Variants in ITPR2 observed in about 807,000 individuals in gnomAD.
ITPR2 encodes inositol 1,4,5-trisphosphate receptor type 2.
Under a neutral mutation model 317.1 loss-of-function variants are expected in ITPR2, and 207 were observed. The ratio of observed to expected loss-of-function variants is 0.65; its 90% CI spans 0.58 to 0.73. The LOEUF (loss-of-function observed/expected upper bound fraction) is 0.73, where lower values mean the gene tolerates loss of function less well. Among genes scored for constraint, ITPR2 ranks in the 30% least tolerant of loss-of-function variants. The pLI, the probability that ITPR2 is intolerant of heterozygous loss-of-function variation, is 0.00. For synonymous variants in ITPR2, 1,156 were observed against 1,149.1 expected, an observed-to-expected ratio of 1.01 and a Z score of -0.12; for missense variants, 2,613 against 3,284.0, an observed-to-expected ratio of 0.80 and a Z score of 4.99.
chr12:26,808,150 A>G (rs1179287311), intron 1 of ITPR2, among the ~76,000 whole-genome samples: 2 of 152,228 alleles, frequency 1.3e-5, no homozygotes, highest in Non-Finnish European at 2.9e-5. Context: ...AAAATCTGCC[A>G]GAGAACAAAG....
intron 26 of ITPR2, among the ~76,000 whole-genome samples, chr12:26,607,795 T>C (rs969561381): frequency 6.6e-6 from 1 of 152,100 alleles, no homozygotes; most frequent in African/African-American, 2.4e-5. Context: ...AATAAAATAA[T>C]GGCGGCCGGG....
At chr12:26,477,824 T>A (rs1043052968) in intron 43 of ITPR2, among the ~76,000 whole-genome samples, 2 of 152,102 alleles carry the variant, frequency 1.3e-5, no homozygotes, top group Non-Finnish European at 2.9e-5. Context: ...TTGAAAGATG[T>A]TACTTCATGC....
chr12:26,654,233 T>C, intron 20 of ITPR2, 107 bp from the exon 21 acceptor site: 1 of 842,480 alleles, frequency 1.2e-6, no homozygotes, highest in African/African-American at 1.8e-5. Context: ...AGCACAGCAA[T>C]TTCTAAACTT....
At chr12:26,370,235 G>A (rs1027608470) in intron 55 of ITPR2, among the ~76,000 whole-genome samples, 3 of 152,152 alleles carry the variant, frequency 2.0e-5, no homozygotes, top group African/African-American at 7.2e-5. Context: ...CACCCAAAAA[G>A]CAGTTGGCGT....
chr12:26,586,354 G>A (rs189498473), intron 32 of ITPR2, among the ~76,000 whole-genome samples: 90 of 152,190 alleles, frequency 5.9e-4, no homozygotes, highest in African/African-American at 2.0e-3. Flanking sequence ...CCCAGGCTGG[G>A]TCTCAAGCTT....
In ITPR2 at chr12:26,400,176, G is replaced by C. The variant is rs746000563; in HGVS notation, c.7482C>G (p.Leu2494=). Reference sequence around the variant, plus strand: ...CATCCCCCACACCACCGCCATTCCTGAGGCCCTGGTTCAGCACGGTGACAA... The same window carrying C: ...CATCCCCCACACCACCGCCATTCCTCAGGCCCTGGTTCAGCACGGTGACAA... ...MCIVTVLNQG[L]RNGGGVGDVL... Residue 2494 remains leucine (L), a synonymous_variant, in exon 53 of 57, where the codon CTC becomes CTG. Transcript: ENST00000381340. 6.2e-7 allele frequency: 1 copy of C among 1,611,868 alleles called. No individual in the cohort carries two copies. The highest frequency in any genetic ancestry group is 1.1e-5 in the South Asian group (1 of 90,760).
Position 26,785,367 on chromosome 12 carries a change from C to G in ITPR2, c.163+4790G>C, listed in dbSNP as rs1261559031. Among the ~76,000 whole-genome samples the G allele has an allele frequency of 1.9e-3, 101 of 53,900 alleles. 4 individuals are homozygous for G. The highest frequency in any genetic ancestry group is 4.4e-3 in the African/African-American group (93 of 21,204). 35.4% of individuals were successfully genotyped at this position (53,900 alleles called of 152,430 possible). On this transcript the variant is annotated intron_variant, in intron 2 of 56. Coordinates refer to ENST00000381340, the MANE Select transcript of ITPR2 (RefSeq NM_002223.4). ...GAGGTGAGGGGCGCCTCTGCCCGGC[C>G]GCCCCTACTGGGAAGTGAGGAGCCC...
chr12:26,721,455 A>G (rs928606845), intron 5 of ITPR2: 2 of 427,828 alleles, frequency 4.7e-6, no homozygotes, highest in Admixed American at 8.4e-5. Flanking sequence ...CAAAGTTTCA[A>G]CTGAAAAAAC....
At chr12:26,503,824 T>C (rs1943126946) in intron 37 of ITPR2, among the ~76,000 whole-genome samples, 1 of 152,230 alleles carries the variant, frequency 6.6e-6, no homozygotes, top group Non-Finnish European at 1.5e-5. Context: ...AAAGCATTAA[T>C]AAGTTTCAAT....
intron 26 of ITPR2, among the ~76,000 whole-genome samples, chr12:26,607,083 A>G (rs909626643): frequency 3.3e-5 from 5 of 152,234 alleles, no homozygotes; most frequent in African/African-American, 1.2e-4. Flanking sequence ...AACTTGGTGC[A>G]TGCCTTCTAT....
intron 37 of ITPR2, among the ~76,000 whole-genome samples, chr12:26,546,196 T>C (rs1174938092): frequency 6.6e-6 from 1 of 152,246 alleles, no homozygotes; most frequent in Non-Finnish European, 1.5e-5. Flanking sequence ...AAATGTGTAG[T>C]GATCAAGTCA....
At chr12:26,752,726 C>A (rs1949448290) in intron 2 of ITPR2, among the ~76,000 whole-genome samples, 1 of 152,132 alleles carries the variant, frequency 6.6e-6, no homozygotes, top group African/African-American at 2.4e-5. Context: ...GCCCTGAATT[C>A]TTTCATGCAC....
chr12:26,804,526 A>T (rs1950609988), intron 1 of ITPR2, among the ~76,000 whole-genome samples: 1 of 152,142 alleles, frequency 6.6e-6, no homozygotes, highest in Admixed American at 6.5e-5. Context: ...GGGTAAAATC[A>T]AAAGGAAATA....
intron 11 of ITPR2, among the ~76,000 whole-genome samples, chr12:26,684,704 G>A (rs988075144): frequency 6.6e-6 from 1 of 152,144 alleles, no homozygotes; most frequent in African/African-American, 2.4e-5. Context: ...ATAAAGTGAG[G>A]CTCAGTGGCC....
chr12:26,828,755 A>G (rs1951048721), intron 1 of ITPR2, among the ~76,000 whole-genome samples: 1 of 152,254 alleles, frequency 6.6e-6, no homozygotes, highest in Non-Finnish European at 1.5e-5. Flanking sequence ...TGCAAAATAC[A>G]TCAGTTTAAA....
At chr12:26,832,235 A>C (rs1242922178) in intron 1 of ITPR2, among the ~76,000 whole-genome samples, 1 of 152,188 alleles carries the variant, frequency 6.6e-6, no homozygotes, top group Non-Finnish European at 1.5e-5. Flanking sequence ...CTTGAGTTTC[A>C]TGTCCAAGGC....
intron 55 of ITPR2, among the ~76,000 whole-genome samples, chr12:26,373,383 C>T (rs886928077): frequency 4.6e-5 from 7 of 152,296 alleles, no homozygotes; most frequent in African/African-American, 1.7e-4. Context: ...GCCTTTATAT[C>T]ACAACCTGTT....
chr12:26,336,980 G>GTTTTTTTTTTT lies in ITPR2; in HGVS notation c.*2406_*2416dup, dbSNP rs67842212. ...TTGTCTGCTTCGATTTTTTGTTGCT[G>GTTTTTTTTTTT]TTTTTTTTTTTTTTGCTTTATAATT... On this transcript the variant is annotated 3_prime_UTR_variant, in exon 57 of 57. Coordinates refer to ENST00000381340, the MANE Select transcript of ITPR2 (RefSeq NM_002223.4). 1.5e-5 allele frequency: 2 copies of GTTTTTTTTTTT among 137,268 alleles called. No individual in the cohort carries two copies. Among genetic ancestry groups the GTTTTTTTTTTT allele is most frequent in the Non-Finnish European group, 3.1e-5 (2 of 64,152 alleles). The allele number at this position is 137,268 out of a possible 1,614,324, so 8.5% of individuals were successfully genotyped here. A position where few individuals can be genotyped will look rare whatever the true frequency, so the allele number is the denominator to read the frequency against.
chr12:26,815,157 G>C (rs1182426046), intron 1 of ITPR2, among the ~76,000 whole-genome samples: 1 of 152,140 alleles, frequency 6.6e-6, no homozygotes, highest in African/African-American at 2.4e-5. Context: ...TGGCCAACAT[G>C]GTGAAACCTC....
Sources: allele counts gnomAD v4.1 joint callset (sites outside exome capture counted in the v4.1 genomes callset), GRCh38; gene constraint gnomAD v4.1.1; transcripts MANE v1.5; gene names NCBI Gene and HGNC (gene_info 2026-07-23, HGNC 2026-07-21).